LINGO2: variants seen among roughly 807,000 people sequenced by gnomAD.
LINGO2 encodes the protein leucine-rich repeat and immunoglobulin-like domain-containing nogo receptor-interacting protein 2.
A neutral mutation model predicts 30.6 loss-of-function variants in LINGO2; 14 were observed. The ratio of observed to expected loss-of-function variants is 0.46; its 90% CI spans 0.30 to 0.72. LINGO2 has a LOEUF of 0.72. Among genes scored for constraint, LINGO2 ranks in the 30% least tolerant of loss-of-function variants. The pLI is 0.07. For synonymous variants in LINGO2, 317 were observed against 288.5 expected, an observed-to-expected ratio of 1.10 and a Z score of -1.00; for missense variants, 729 against 751.7, an observed-to-expected ratio of 0.97 and a Z score of 0.35.
chr9:28,771,693 T>A, the LINGO2 span, among the ~76,000 whole-genome samples: 1 of 152,096 alleles, frequency 6.6e-6, no homozygotes, highest in Non-Finnish European at 1.5e-5. Context: ...TGTTGTGAAG[T>A]TCAATCATGC....
the LINGO2 span, among the ~76,000 whole-genome samples, chr9:28,897,016 T>C: frequency 1.3e-5 from 2 of 152,100 alleles, no homozygotes; most frequent in Admixed American, 6.5e-5. Flanking sequence ...CTTGAAGGTA[T>C]TAGTGGGTGG....
chr9:28,303,475 T>G (rs943694003), intron 3 of LINGO2, among the ~76,000 whole-genome samples: 2 of 152,074 alleles, frequency 1.3e-5, no homozygotes, highest in East Asian at 3.9e-4. Flanking sequence ...CTGAACAACA[T>G]GTGGATTAGG....
intron 4 of LINGO2, among the ~76,000 whole-genome samples, chr9:28,023,652 C>T (rs1253120350): frequency 6.6e-6 from 1 of 152,178 alleles, no homozygotes; most frequent in African/African-American, 2.4e-5. Flanking sequence ...ATATCTTTCT[C>T]CTGGCAGGAC....
the LINGO2 span, among the ~76,000 whole-genome samples, chr9:28,922,426 G>A: frequency 6.6e-6 from 1 of 151,964 alleles, no homozygotes; most frequent in African/African-American, 2.4e-5. Context: ...TAGATGATAA[G>A]TTTCAATGAG....
rs546672486 is a variant in LINGO2, at chr9:28,326,985, T to C, written c.-245-31619A>G. On this transcript the variant is annotated intron_variant, in intron 3 of 5. Coordinates refer to ENST00000379992, the Ensembl canonical transcript of LINGO2. The stretch of plus-strand genomic sequence containing the variant: ...GCAATTTGTGTCTCTCCAAAATTCA[T>C]TTGTTGAAAAATTGATCTTCAATGT... Among the ~76,000 whole-genome samples the C allele has an allele frequency of 6.6e-5, 10 of 152,252 alleles. 1 individual carries two copies. In the South Asian group the frequency reaches 2.1e-3, roughly 32 times the overall value.
intron 4 of LINGO2, among the ~76,000 whole-genome samples, chr9:28,288,297 G>A (rs1823592234): frequency 6.6e-6 from 1 of 151,984 alleles, no homozygotes; most frequent in Non-Finnish European, 1.5e-5. Context: ...TTTACATAAT[G>A]GCGACTTTGT....
rs1338128169 is a variant in LINGO2, at chr9:28,557,979, C to A, written c.-364-81954G>T. Among the ~76,000 whole-genome samples the A allele has an allele frequency of 2.7e-4, 33 of 123,640 alleles. 1 individual carries two copies. Among genetic ancestry groups the A allele is most frequent in the Non-Finnish European group, 4.7e-5 (3 of 63,260 alleles). The allele number at this position is 123,640 out of a possible 152,430, so 81.1% of individuals were successfully genotyped here. A position where few individuals can be genotyped will look rare whatever the true frequency, so the allele number is the denominator to read the frequency against. Reference sequence around the variant, plus strand: ...CATGGACACAGGAAGGGGAACATCACACTCTGGGGACTGTGGTGGGGTGGG... The same window carrying A: ...CATGGACACAGGAAGGGGAACATCAAACTCTGGGGACTGTGGTGGGGTGGG... On this transcript the variant is annotated intron_variant, in intron 1 of 5. Coordinates refer to ENST00000379992, the Ensembl canonical transcript of LINGO2.
intron 1 of LINGO2, among the ~76,000 whole-genome samples, chr9:28,532,057 TA>T (rs1201470819): frequency 3.9e-5 from 6 of 152,176 alleles, no homozygotes; most frequent in African/African-American, 4.8e-5. Flanking sequence ...TTCAGATTTT[TA>T]AAAATGAGGC....
At chr9:28,736,652 T>A in the LINGO2 span, among the ~76,000 whole-genome samples, 2 of 151,474 alleles carry the variant, frequency 1.3e-5, no homozygotes, top group African/African-American at 4.9e-5. Context: ...ATTAGCCGGG[T>A]GTGGTGGCAG....
the LINGO2 span, among the ~76,000 whole-genome samples, chr9:28,802,738 G>A: frequency 0.98 from 149,043 of 152,088 alleles, 73,094 homozygotes; most frequent in Middle Eastern, 1. Context: ...TAGAGTTCCA[G>A]TGTCCAAGGC....
intron 1 of LINGO2, among the ~76,000 whole-genome samples, chr9:28,559,678 A>G: frequency 6.6e-6 from 1 of 152,180 alleles, no homozygotes; most frequent in Middle Eastern, 3.4e-3. Context: ...TTTTTTCACA[A>G]GTTACAAAGT....
chr9:28,387,708 C>T (rs1821648769), intron 2 of LINGO2, among the ~76,000 whole-genome samples: 1 of 152,172 alleles, frequency 6.6e-6, no homozygotes, highest in Non-Finnish European at 1.5e-5. Context: ...CGAAGGTTTG[C>T]AGCTTCACTC....
At chr9:28,529,296 A>C (rs1171824633) in intron 1 of LINGO2, among the ~76,000 whole-genome samples, 2 of 152,140 alleles carry the variant, frequency 1.3e-5, no homozygotes, top group African/African-American at 2.4e-5. Flanking sequence ...CTATGATTAA[A>C]TTTATATTCT....
At chr9:28,284,108 A>G (rs1167210777) in intron 4 of LINGO2, among the ~76,000 whole-genome samples, 1 of 152,230 alleles carries the variant, frequency 6.6e-6, no homozygotes, top group East Asian at 1.9e-4. Flanking sequence ...CTACTGTAAC[A>G]GTGCTACTTT....
intron 4 of LINGO2, among the ~76,000 whole-genome samples, chr9:28,063,006 CCTAT>C (rs1825204019): frequency 6.6e-6 from 1 of 151,990 alleles, no homozygotes; most frequent in Admixed American, 6.6e-5. Flanking sequence ...TACTCCTTAC[CCTAT>C]CTTGCAAGGT....
chr9:28,955,549 CT>C, the LINGO2 span, among the ~76,000 whole-genome samples: 44 of 152,044 alleles, frequency 2.9e-4, no homozygotes, highest in African/African-American at 1.0e-3. Context: ...AAAGAGGTGT[CT>C]TGGTGCATGA....
At chr9:28,606,758 G>A (rs184866144) in intron 1 of LINGO2, among the ~76,000 whole-genome samples, 4 of 152,122 alleles carry the variant, frequency 2.6e-5, no homozygotes, top group Admixed American at 6.6e-5. Context: ...CATCCTTACA[G>A]TGAAAACCAC....
chr9:29,115,664 A>G, the LINGO2 span, among the ~76,000 whole-genome samples: 1 of 152,022 alleles, frequency 6.6e-6, no homozygotes, highest in Non-Finnish European at 1.5e-5. Context: ...AATTATTATT[A>G]ACATTATTGA....
the LINGO2 span, among the ~76,000 whole-genome samples, chr9:28,814,890 C>A: frequency 6.6e-6 from 1 of 152,078 alleles, no homozygotes; most frequent in African/African-American, 2.4e-5. Flanking sequence ...CAGGAAGAAT[C>A]CATAAAGTGA....
Sources: allele counts gnomAD v4.1 joint callset (sites outside exome capture counted in the v4.1 genomes callset), GRCh38; gene constraint gnomAD v4.1.1; transcripts MANE v1.5; gene names NCBI Gene and HGNC (gene_info 2026-07-23, HGNC 2026-07-21).